Variants in SNX20 observed in about 807,000 individuals in gnomAD.
SNX20 encodes sorting nexin-20.
SNX20 carries 21 observed loss-of-function variants against 24.5 expected under a neutral mutation model. The ratio of observed to expected loss-of-function variants is 0.86; its 90% CI spans 0.61 to 1.23. The LOEUF (loss-of-function observed/expected upper bound fraction) is 1.23, where lower values mean the gene tolerates loss of function less well. Ranked by LOEUF, SNX20 falls within the 50% of genes most tolerant of loss-of-function variation. SNX20 has a pLI of 0.00. For missense variants in SNX20, 433 were observed against 430.8 expected (o/e 1.00, Z -0.04); for synonymous variants, 206 against 192.8 (o/e 1.07, Z -0.57).
In SNX20 at chr16:50,673,261, A is replaced by C; in HGVS notation, c.*145T>G. ...GGCTGCAGTGAGACATAATTGAGCCACTGCACTTCAGTCTGGGTGACAGAG... is the reference window on the plus strand; with the variant it reads ...GGCTGCAGTGAGACATAATTGAGCCCCTGCACTTCAGTCTGGGTGACAGAG... On this transcript the variant is annotated 3_prime_UTR_variant, in exon 4 of 4. Coordinates refer to ENST00000330943, the MANE Select transcript of SNX20 (RefSeq NM_182854.4). The surrounding 1 kb of genome is among the most constrained non-coding windows in gnomAD (Gnocchi z 4.1). 1 of 1,272,784 alleles carries C rather than the reference A, an allele frequency of 7.9e-7. No individual in the cohort carries two copies. 78.8% of individuals were successfully genotyped at this position (1,272,784 alleles called of 1,614,324 possible).
chr16:50,676,462 A>G (rs1210524090), intron 2 of SNX20, among the ~76,000 whole-genome samples: 2 of 152,098 alleles, frequency 1.3e-5, no homozygotes, highest in African/African-American at 2.4e-5. Context: ...CCTTGCATCC[A>G]ACCCTCTATT....
intron 2 of SNX20, 22 bp from the exon 3 acceptor site, chr16:50,675,943 G>C: frequency 1.3e-6 from 2 of 1,580,234 alleles, no homozygotes; most frequent in Non-Finnish European, 1.7e-6. Context: ...ACACCCTTAA[G>C]GATCTGCACC....
At chr16:50,668,294 A>G (rs1962962411), downstream of SNX20, 1 of 1,389,364 alleles carries the variant, frequency 7.2e-7, no homozygotes, top group South Asian at 1.5e-5. Flanking sequence ...AGTAAATCAA[A>G]GAGAAGTCTC....
At chr16:50,668,940 GC>G, downstream of SNX20, 1 of 1,504,094 alleles carries the variant, frequency 6.6e-7, no homozygotes. Context: ...TAGCGGCCCT[GC>G]CCAGGCCTCA....
chr16:50,667,975 G>T (rs180986778), downstream of SNX20: 3 of 1,544,908 alleles, frequency 1.9e-6, no homozygotes, highest in East Asian at 4.9e-5. Context: ...TTCAGGCTTC[G>T]ACCAGCCCAG....
At chr16:50,669,171 T>C (rs1218480116), downstream of SNX20, 1 of 1,073,994 alleles carries the variant, frequency 9.3e-7, no homozygotes, top group Non-Finnish European at 1.4e-6. Flanking sequence ...GTGAGTGAAA[T>C]GATCTTTAAA....
At chr16:50,668,803 C>G (rs528623563), downstream of SNX20, 16 of 1,262,900 alleles carry the variant, frequency 1.3e-5, no homozygotes, top group South Asian at 3.7e-4. Flanking sequence ...GGTTTTGCCA[C>G]TCCAAAACAG....
At chr16:50,677,725 G>T (rs1290026669) in intron 1 of SNX20, among the ~76,000 whole-genome samples, 190 bp from the exon 2 acceptor site, 1 of 152,194 alleles carries the variant, frequency 6.6e-6, no homozygotes, top group Non-Finnish European at 1.5e-5. Context: ...TGCTGGGCAG[G>T]TTACTCCAAG....
chr16:50,679,033 AT>A (rs1567371641), intron 1 of SNX20, among the ~76,000 whole-genome samples: 1 of 151,264 alleles, frequency 6.6e-6, no homozygotes. Flanking sequence ...GAAAGGGACA[AT>A]TAAAACATTA....
chr16:50,675,811 C>T lies in SNX20; in HGVS notation c.241G>A (p.Ala81Thr), dbSNP rs769359088. The change falls in exon 3 of 4, where the codon GCT (alanine) becomes ACT (threonine). Residue 81 changes from alanine to threonine, a missense_variant. Coordinates refer to ENST00000330943, the MANE Select transcript of SNX20 (RefSeq NM_182854.4). ...TTTCTCTCCTCGATGCGAGCTGAAG[C>T]GATCTCAAAGAGCAGTTTGACGTGC... ...WKHVKLLFEI[A>T]SARIEERKVS... 108 of 1,613,512 alleles carry T rather than the reference C, an allele frequency of 6.7e-5. No individual in the cohort carries two copies. The highest frequency in any genetic ancestry group is 1.6e-4 in the Middle Eastern group (1 of 6,078).
intron 2 of SNX20, among the ~76,000 whole-genome samples, chr16:50,677,008 C>T (rs766336310): frequency 2.6e-5 from 4 of 152,184 alleles, no homozygotes; most frequent in Non-Finnish European, 5.9e-5. Flanking sequence ...GGCCCAGGAG[C>T]GTCCCTTCTC....
At chr16:50,676,272 G>A (rs1360733818) in intron 2 of SNX20, among the ~76,000 whole-genome samples, 1 of 151,962 alleles carries the variant, frequency 6.6e-6, no homozygotes, top group Non-Finnish European at 1.5e-5. Context: ...TGGCTTGTGT[G>A]TTTCTGTGCT....
At chr16:50,680,273 C>T (rs1357021331) in intron 1 of SNX20, among the ~76,000 whole-genome samples, 2 of 152,198 alleles carry the variant, frequency 1.3e-5, no homozygotes, top group Non-Finnish European at 2.9e-5. Flanking sequence ...GGGATAGCCA[C>T]ATAGACGGTT....
At chr16:50,667,869 G>C (rs570207315), downstream of SNX20, 4 of 788,492 alleles carry the variant, frequency 5.1e-6, no homozygotes, top group African/African-American at 6.8e-5. Context: ...AGGGCTCGGC[G>C]TGGGGACTTT....
chr16:50,673,990 G>A lies in SNX20; in HGVS notation c.367C>T (p.Leu123Phe). Residue 123 changes from leucine (L) to phenylalanine (F), a missense_variant, in exon 4 of 4, where the codon CTC becomes TTC. Physicochemically the swap from Leu to Phe is conservative, Grantham distance 22. Transcript: ENST00000330943. This position sits in a 1 kb window ranked among gnomAD's most constrained non-coding sequence, Gnocchi z 4.1. ...LERRYSDFAK[L>F]QKALLKTFRE... ...AACGTCTTCAGCAGCGCTTTCTGGA[G>A]CTTCGCGAAGTCGGAATAGCGCCGT... The A allele has an allele frequency of 6.2e-7, 1 of 1,612,982 alleles. No homozygotes were observed. Among genetic ancestry groups the A allele is most frequent in the Non-Finnish European group, 8.5e-7 (1 of 1,179,602 alleles).
At chr16:50,667,934 G>C (rs1031604024), downstream of SNX20, 10 of 1,356,780 alleles carry the variant, frequency 7.4e-6, no homozygotes, top group Non-Finnish European at 7.2e-6. Context: ...TAGATGGGTA[G>C]GGGGGGACCC....
chr16:50,667,648 A>G (rs749379283), downstream of SNX20: 39 of 289,050 alleles, frequency 1.3e-4, no homozygotes, highest in Non-Finnish European at 2.3e-4. Flanking sequence ...AAGGTTCCCA[A>G]CACCAACACG....
chr16:50,668,388 G>A, downstream of SNX20: 1 of 958,044 alleles, frequency 1.0e-6, no homozygotes, highest in African/African-American at 1.7e-5. Context: ...GCGGCCTCAG[G>A]CTCAGGGCCT....
chr16:50,675,932 A>G lies in SNX20; in HGVS notation c.131-11T>C, dbSNP rs577564449. On this transcript the variant is annotated splice_polypyrimidine_tract_variant and intron_variant, in intron 2 of 3. Coordinates refer to ENST00000330943, the MANE Select transcript of SNX20 (RefSeq NM_182854.4). The stretch of plus-strand genomic sequence containing the variant: ...GGCCACTGTGTGTGTCTGGAAGGAC[A>G]ACACCCTTAAGGATCTGCACCCTGT... 5.1e-5 allele frequency: 82 copies of G among 1,598,616 alleles called. No homozygotes were observed. In the East Asian group the frequency reaches 1.6e-3, roughly 31 times the overall value.
Sources: allele counts gnomAD v4.1 joint callset (sites outside exome capture counted in the v4.1 genomes callset), GRCh38; gene constraint gnomAD v4.1.1; non-coding constraint Gnocchi (gnomAD v3.1); transcripts MANE v1.5; gene names NCBI Gene and HGNC (gene_info 2026-07-23, HGNC 2026-07-21).